The following CCDC197 variants were observed in gnomAD, a reference collection of about 807,000 sequenced individuals.
CCDC197 encodes coiled-coil domain containing 197.
A neutral mutation model predicts 13.4 loss-of-function variants in CCDC197; 24 were observed. That is an observed-to-expected ratio of 1.80 (90% CI 1.30 to 2.53). CCDC197 has a LOEUF of 2.53. Ranked by LOEUF, CCDC197 falls within the 30% of genes most tolerant of loss-of-function variation. CCDC197 has a pLI of 0.00. For missense variants in CCDC197, 255 were observed against 148.8 expected, an observed-to-expected ratio of 1.71 and a Z score of -3.71; for synonymous variants, 99 against 55.5, an observed-to-expected ratio of 1.78 and a Z score of -3.48.
intron 1 of CCDC197, among the ~76,000 whole-genome samples, chr14:93,991,446 T>G (rs1890209327): frequency 6.6e-6 from 1 of 152,222 alleles, no homozygotes; most frequent in Admixed American, 6.5e-5. Context: ...GAGTGATTCA[T>G]GATGGCTACA....
intron 5 of CCDC197, among the ~76,000 whole-genome samples, chr14:94,004,209 C>T (rs941806006): frequency 2.0e-5 from 3 of 152,300 alleles, no homozygotes; most frequent in East Asian, 3.9e-4. Context: ...CCCGGTTCCT[C>T]GCCATAAACG....
intron 1 of CCDC197, among the ~76,000 whole-genome samples, chr14:93,988,825 T>G (rs1595346349): frequency 1.5e-5 from 1 of 66,122 alleles, no homozygotes; most frequent in Admixed American, 2.0e-4. Context: ...GAGGAAGGGA[T>G]GGGAGAGGGC....
intron 1 of CCDC197, among the ~76,000 whole-genome samples, chr14:93,991,602 C>A (rs1890212042): frequency 6.6e-6 from 1 of 152,174 alleles, no homozygotes; most frequent in Admixed American, 6.5e-5. Context: ...CAATTCGGTC[C>A]CAGTCCTTGA....
chr14:93,993,323 C>T (rs567025109), upstream of CCDC197, among the ~76,000 whole-genome samples: 12 of 152,382 alleles, frequency 7.9e-5, no homozygotes, highest in Admixed American at 2.0e-4. Context: ...CTTTTCCCTG[C>T]CCCTAAGACA....
intron 1 of CCDC197, among the ~76,000 whole-genome samples, chr14:93,991,772 C>T (rs1041487205): frequency 1.4e-4 from 22 of 152,164 alleles, no homozygotes; most frequent in African/African-American, 5.1e-4. Context: ...ATCTGGAAGA[C>T]CAGAGGGAAA....
rs1890644140 is a variant in CCDC197, at chr14:94,005,089, T to C, written c.615+118T>C. ...TGTTTAGCCCCCCATCAGCTCTTCT[T>C]TCCATAGCTACATTGGTGCCTGGTG... is the stretch of plus-strand genomic sequence containing the variant. On this transcript the variant is annotated intron_variant, in intron 6 of 6. Coordinates refer to ENST00000636493, the MANE Select transcript of CCDC197 (RefSeq NM_001351596.2). 19 of 613,726 alleles carry C rather than the reference T, an allele frequency of 3.1e-5. No individual in the cohort carries two copies. In the South Asian group the frequency reaches 3.3e-4, roughly 11 times the overall value. The allele number at this position is 613,726 out of a possible 1,614,324, so 38.0% of individuals were successfully genotyped here.
rs4905138 is a variant in CCDC197 at position 94,000,011 on chromosome 14, G to T, written c.187+346G>T. 1.9e-3 allele frequency among the ~76,000 whole-genome samples: 288 copies of T among 152,028 alleles called. 3 individuals are homozygous for T. The highest frequency in any genetic ancestry group is 0.016 in the Admixed American group (241 of 15,286). Reference sequence around the variant, plus strand: ...CACATTTAGCTAGTACCTGGTAAACGTTGGCCATTATTATTATTATTTTGT... The same window carrying T: ...CACATTTAGCTAGTACCTGGTAAACTTTGGCCATTATTATTATTATTTTGT... On this transcript the variant is annotated intron_variant, in intron 3 of 6. Transcript: ENST00000636493.
upstream of CCDC197, among the ~76,000 whole-genome samples, chr14:93,993,235 C>A (rs2141341169): frequency 6.6e-6 from 1 of 152,308 alleles, no homozygotes; most frequent in Non-Finnish European, 1.5e-5. Flanking sequence ...TACGACGGGT[C>A]AGCTCTGGGC....
chr14:94,004,152 C>T (rs1372786969), intron 5 of CCDC197, among the ~76,000 whole-genome samples: 1 of 152,216 alleles, frequency 6.6e-6, no homozygotes. Context: ...TCAGCTCTTG[C>T]ACTGCCCCTT....
At chr14:93,994,130 C>T (rs1890248007), upstream of CCDC197, among the ~76,000 whole-genome samples, 1 of 152,178 alleles carries the variant, frequency 6.6e-6, no homozygotes, top group Non-Finnish European at 1.5e-5. Flanking sequence ...AGAATAACTA[C>T]ATCTGGAATC....
intron 4 of CCDC197, among the ~76,000 whole-genome samples, chr14:94,002,413 C>T (rs1326126600): frequency 2.0e-5 from 3 of 152,110 alleles, no homozygotes; most frequent in South Asian, 2.1e-4. Flanking sequence ...CTCTGCCTTC[C>T]GAGTAGCTGG....
chr14:93,999,940 A>G (rs1359086427), intron 3 of CCDC197, among the ~76,000 whole-genome samples: 1 of 152,194 alleles, frequency 6.6e-6, no homozygotes, highest in Non-Finnish European at 1.5e-5. Context: ...AGCAATAATT[A>G]TGTGGACTAG....
In CCDC197 at chr14:94,005,083, T is replaced by C. The variant is rs1890643893; in HGVS notation, c.615+112T>C. The C allele has an allele frequency of 6.5e-6, 4 of 617,056 alleles. No homozygotes were observed. The Admixed American group carries it at 7.6e-5, about 12-fold the overall frequency. 38.2% of individuals were successfully genotyped at this position (617,056 alleles called of 1,614,324 possible). A position where few individuals can be genotyped will look rare whatever the true frequency, so the allele number is the denominator to read the frequency against. ...CATTTGTGTTTAGCCCCCCATCAGCTCTTCTTTCCATAGCTACATTGGTGC... is the reference window on the plus strand; with the variant it reads ...CATTTGTGTTTAGCCCCCCATCAGCCCTTCTTTCCATAGCTACATTGGTGC... On this transcript the variant is annotated intron_variant, in intron 6 of 6. Transcript: ENST00000636493.
At chr14:94,000,281 CACT>C (rs1257800223) in intron 3 of CCDC197, among the ~76,000 whole-genome samples, 1 of 152,170 alleles carries the variant, frequency 6.6e-6, no homozygotes, top group African/African-American at 2.4e-5. Flanking sequence ...ATGAGCTTTG[CACT>C]ACTGTGTCAC....
intron 1 of CCDC197, among the ~76,000 whole-genome samples, chr14:93,987,876 C>G (rs1424577968): frequency 6.7e-6 from 1 of 149,660 alleles, no homozygotes; most frequent in Admixed American, 6.6e-5. Context: ...AGTGTCAGCT[C>G]CTGGAATATA....
chr14:93,990,573 G>C (rs1433381724), intron 1 of CCDC197, among the ~76,000 whole-genome samples: 2 of 152,246 alleles, frequency 1.3e-5, no homozygotes, highest in Non-Finnish European at 2.9e-5. Flanking sequence ...AAGCCCAGTA[G>C]ATGGAATGAC....
Position 93,998,026 on chromosome 14 carries a change from G to A in CCDC197, c.-106G>A. 1 of 701,442 alleles carries A rather than the reference G, an allele frequency of 1.4e-6. No homozygotes were observed. The highest frequency in any genetic ancestry group is 2.6e-6 in the Non-Finnish European group (1 of 380,548). 43.5% of individuals were successfully genotyped at this position (701,442 alleles called of 1,614,324 possible). ...GGGGATGCTAACCCTGGCTTCCAAG[G>A]ATCTGAAGAGGAAGCTGCGGCTGTG... On this transcript the variant is annotated 5_prime_UTR_variant, in exon 2 of 7. Coordinates refer to ENST00000636493, the MANE Select transcript of CCDC197 (RefSeq NM_001351596.2).
At chr14:93,991,354 C>T (rs1356726955) in intron 1 of CCDC197, among the ~76,000 whole-genome samples, 1 of 152,166 alleles carries the variant, frequency 6.6e-6, no homozygotes, top group African/African-American at 2.4e-5. Context: ...CCTATGTCAT[C>T]ATTAGGCCCT....
chr14:94,001,756 C>T (rs1477370727), intron 4 of CCDC197: 1 of 155,052 alleles, frequency 6.4e-6, no homozygotes, highest in East Asian at 1.9e-4. Flanking sequence ...CCTTCCCTTC[C>T]TTTGTAGTTA....
Sources: gnomAD v4.1 joint callset for allele counts (sites outside exome capture counted in the v4.1 genomes callset) on GRCh38, gnomAD v4.1.1 for gene constraint, MANE v1.5 for transcripts, NCBI Gene and HGNC (gene_info 2026-07-23, HGNC 2026-07-21) for gene names.